ERC2: variants seen among roughly 807,000 people sequenced by gnomAD.
ERC2 encodes the protein ERC protein 2.
A neutral mutation model predicts 114.8 loss-of-function variants in ERC2; 42 were observed. That is an observed-to-expected ratio of 0.37 (90% CI 0.29 to 0.47). ERC2 has a LOEUF of 0.47. ERC2 is among the 20% of genes least tolerant of loss of function. ERC2 has a pLI of 0.99. For missense variants in ERC2, 939 were observed against 1,150.7 expected (o/e 0.82, Z 2.66); for synonymous variants, 454 against 425.5 (o/e 1.07, Z -0.82).
chr3:56,228,942 T>C (rs947722362), intron 3 of ERC2, among the ~76,000 whole-genome samples: 9 of 152,198 alleles, frequency 5.9e-5, no homozygotes, highest in African/African-American at 2.2e-4. Context: ...GTTCATGTTT[T>C]TGTTAATGCT....
intron 5 of ERC2, among the ~76,000 whole-genome samples, chr3:56,143,902 A>G (rs908645849): frequency 3.3e-5 from 5 of 152,258 alleles, no homozygotes; most frequent in African/African-American, 1.2e-4. Flanking sequence ...CTGAGCATGA[A>G]CAGGAGTGAG....
At chr3:56,142,127 G>A (rs375513528) in intron 5 of ERC2, among the ~76,000 whole-genome samples, 16 of 151,868 alleles carry the variant, frequency 1.1e-4, no homozygotes, top group African/African-American at 2.9e-4. Flanking sequence ...GAATATTCAC[G>A]TTTCTATTTA....
At position 55,928,120 on chromosome 3, in the gene ERC2, A is replaced by G. The variant is rs138485448; in HGVS notation, c.2403+22305T>C. The stretch of plus-strand genomic sequence containing the variant: ...TGGATTTCCTTTCTTTTGGGTATAT[A>G]CCTAGCAGTAAGATTGCTGCATTGT... On this transcript the variant is annotated intron_variant, in intron 13 of 17. Coordinates refer to ENST00000288221, the MANE Select transcript of ERC2 (RefSeq NM_015576.3). Among the ~76,000 whole-genome samples, 317 of 152,252 alleles carry G rather than the reference A, an allele frequency of 2.1e-3. 3 individuals are homozygous for G. Among genetic ancestry groups the G allele is most frequent in the African/African-American group, 7.2e-3 (301 of 41,556 alleles).
intron 13 of ERC2, among the ~76,000 whole-genome samples, chr3:55,897,469 C>T (rs1050580161): frequency 2.6e-5 from 4 of 152,192 alleles, no homozygotes; most frequent in Non-Finnish European, 5.9e-5. Context: ...GTCTTCATTC[C>T]ATCCTGAGTG....
intron 13 of ERC2, among the ~76,000 whole-genome samples, chr3:55,896,250 G>A (rs2149335115): frequency 6.6e-6 from 1 of 152,308 alleles, no homozygotes; most frequent in Admixed American, 6.5e-5. Flanking sequence ...AATCACAATA[G>A]TGATTTTAAA....
intron 17 of ERC2, among the ~76,000 whole-genome samples, chr3:55,597,992 G>A (rs1196356821): frequency 2.6e-5 from 4 of 152,318 alleles, no homozygotes; most frequent in South Asian, 4.1e-4. Flanking sequence ...CACATCGCCT[G>A]CTTACAGCCA....
At chr3:56,299,064 T>C (rs1281477568) in intron 2 of ERC2, among the ~76,000 whole-genome samples, 1 of 151,692 alleles carries the variant, frequency 6.6e-6, no homozygotes, top group Non-Finnish European at 1.5e-5. Context: ...TATATCTATA[T>C]ATATATACAT....
At chr3:55,712,389 A>G (rs1317955361) in intron 15 of ERC2, among the ~76,000 whole-genome samples, 1 of 151,980 alleles carries the variant, frequency 6.6e-6, no homozygotes, top group Non-Finnish European at 1.5e-5. Flanking sequence ...AAAAGGGGGG[A>G]AAGTGGTAGG....
At chr3:55,974,278 C>CTA (rs1379388905) in intron 12 of ERC2, among the ~76,000 whole-genome samples, 1 of 152,180 alleles carries the variant, frequency 6.6e-6, no homozygotes, top group African/African-American at 2.4e-5. Context: ...CGGACAGGGG[C>CTA]TAATACGTGG....
intron 1 of ERC2, among the ~76,000 whole-genome samples, chr3:56,443,157 A>C (rs2062395670): frequency 6.6e-6 from 1 of 152,236 alleles, no homozygotes; most frequent in Non-Finnish European, 1.5e-5. Context: ...TAAAAGGAAT[A>C]CAAGTCAGCC....
chr3:55,806,721 T>C (rs1414315522), intron 14 of ERC2, among the ~76,000 whole-genome samples: 1 of 152,274 alleles, frequency 6.6e-6, no homozygotes, highest in African/African-American at 2.4e-5. Flanking sequence ...ATGCCAATAG[T>C]GGCAAGGCTG....
At chr3:56,086,682 G>T (rs1160961886) in intron 6 of ERC2, among the ~76,000 whole-genome samples, 1 of 151,806 alleles carries the variant, frequency 6.6e-6, no homozygotes, top group Non-Finnish European at 1.5e-5. Flanking sequence ...GGAAGATAAG[G>T]CAAGAAAAAA....
chr3:55,512,437 G>T (rs1321271348), intron 17 of ERC2, among the ~76,000 whole-genome samples: 3 of 152,192 alleles, frequency 2.0e-5, no homozygotes, highest in African/African-American at 7.2e-5. Context: ...TATGAAAATT[G>T]TAAGTCAGAG....
intron 17 of ERC2, among the ~76,000 whole-genome samples, chr3:55,673,275 C>T (rs905915709): frequency 2.8e-4 from 43 of 152,230 alleles, no homozygotes; most frequent in African/African-American, 9.4e-4. Context: ...CCCAATGTGT[C>T]ACCTGCCTTC....
chr3:55,832,801 A>G (rs892430760), intron 14 of ERC2, among the ~76,000 whole-genome samples: 2 of 152,232 alleles, frequency 1.3e-5, no homozygotes, highest in African/African-American at 4.8e-5. Context: ...CAGACGATCA[A>G]ACTACTCTGA....
chr3:55,759,483 A>AAAAC (rs2067282462), intron 14 of ERC2, among the ~76,000 whole-genome samples: 1 of 127,714 alleles, frequency 7.8e-6, no homozygotes, highest in African/African-American at 2.9e-5. Context: ...AAAAAAAAAA[A>AAAAC]AAAAAAAAAA....
chr3:55,748,475 G>A (rs1009479045), intron 14 of ERC2, among the ~76,000 whole-genome samples: 1 of 152,172 alleles, frequency 6.6e-6, no homozygotes, highest in East Asian at 1.9e-4. Context: ...CCCAGAGATT[G>A]CTACCACAGC....
intron 7 of ERC2, among the ~76,000 whole-genome samples, chr3:56,079,940 T>C (rs572664455): frequency 2.6e-5 from 4 of 152,064 alleles, no homozygotes; most frequent in Admixed American, 6.6e-5. Context: ...GTTAGTTCCA[T>C]TTGCTGCAGC....
In ERC2 at chr3:55,689,740, C is replaced by A. The variant is rs187232413; in HGVS notation, c.2848-5881G>T. Among the ~76,000 whole-genome samples, 863 of 151,452 alleles carry A rather than the reference C, an allele frequency of 5.7e-3. 30 individuals carry two copies. Among genetic ancestry groups the A allele is most frequent in the Admixed American group, 0.053 (804 of 15,204 alleles). On this transcript the variant is annotated intron_variant, in intron 16 of 17. Coordinates refer to ENST00000288221, the MANE Select transcript of ERC2 (RefSeq NM_015576.3). ...CCTGGGAGATGGAGGTTGCGGTGAG[C>A]CGAGATCGCGCCATTGCACTCACTC...
Sources: gnomAD v4.1 joint callset for allele counts (sites outside exome capture counted in the v4.1 genomes callset) on GRCh38, gnomAD v4.1.1 for gene constraint, MANE v1.5 for transcripts, NCBI Gene and HGNC (gene_info 2026-07-23, HGNC 2026-07-21) for gene names.